The following EXOC6B variants were observed in gnomAD, a reference collection of about 807,000 sequenced individuals.
EXOC6B encodes the protein SEC15 homolog B.
A neutral mutation model predicts 113.5 loss-of-function variants in EXOC6B; 54 were observed. The observed-to-expected ratio is 0.48, with a 90% CI of 0.38 to 0.60. The LOEUF is 0.60. Among genes scored for constraint, EXOC6B ranks in the 20% least tolerant of loss-of-function variants. The probability of loss-of-function intolerance (pLI) is 0.00; values close to 1 mark genes in which losing one functional copy is unlikely to be tolerated. For synonymous variants in EXOC6B, 357 were observed against 339.0 expected (o/e 1.05, Z -0.58); for missense variants, 797 against 977.5 (o/e 0.82, Z 2.46).
At position 72,310,936 on chromosome 2, in the gene EXOC6B, C is replaced by A. The variant is rs537849894; in HGVS notation, c.2196+24011G>T. ...CCATTTTCAAGAGAAAAGAAACAAG[C>A]AAACTCAAAAAGGTATTTTCTCAAA... On this transcript the variant is annotated intron_variant, in intron 20 of 21. Transcript: ENST00000272427. 7.3e-5 allele frequency among the ~76,000 whole-genome samples: 11 copies of A among 151,314 alleles called. No individual in the cohort carries two copies. The South Asian group carries it at 1.3e-3, about 17-fold the overall frequency.
chr2:72,612,190 G>C (rs1356158865), intron 6 of EXOC6B, among the ~76,000 whole-genome samples: 1 of 151,948 alleles, frequency 6.6e-6, no homozygotes, highest in African/African-American at 2.4e-5. Flanking sequence ...CACGAGAATG[G>C]TTTGAGCTCA....
At chr2:72,435,766 T>TTTA (rs1233003283) in intron 18 of EXOC6B, among the ~76,000 whole-genome samples, 1 of 151,806 alleles carries the variant, frequency 6.6e-6, no homozygotes, top group African/African-American at 2.4e-5. Context: ...TATTCCTCCA[T>TTTA]CCATTTATTT....
intron 6 of EXOC6B, among the ~76,000 whole-genome samples, chr2:72,599,983 A>T (rs1596931): frequency 0.61 from 93,180 of 152,074 alleles, 34,813 homozygotes; most frequent in East Asian, 0.99. Context: ...TGATCTAAAG[A>T]TTCAACACAA....
chr2:72,699,472 C>T (rs1363087284), intron 6 of EXOC6B, among the ~76,000 whole-genome samples: 12 of 145,332 alleles, frequency 8.3e-5, no homozygotes, highest in Non-Finnish European at 1.1e-4. Flanking sequence ...AGTGAGACTC[C>T]GTCTCAAAAA....
intron 5 of EXOC6B, among the ~76,000 whole-genome samples, chr2:72,728,601 G>A (rs978710815): frequency 6.6e-6 from 1 of 152,114 alleles, no homozygotes; most frequent in African/African-American, 2.4e-5. Context: ...GCTCCCTGAA[G>A]TGACTCAGGG....
intron 18 of EXOC6B, among the ~76,000 whole-genome samples, chr2:72,454,321 T>C (rs1052819755): frequency 1.3e-5 from 2 of 151,978 alleles, no homozygotes; most frequent in African/African-American, 4.8e-5. Flanking sequence ...CTGGGCAACA[T>C]AGTGAGACCC....
intron 20 of EXOC6B, among the ~76,000 whole-genome samples, chr2:72,298,378 T>A (rs1573207758): frequency 6.6e-6 from 1 of 152,186 alleles, no homozygotes; most frequent in East Asian, 1.9e-4. Flanking sequence ...CTTAGGTGTG[T>A]CTTTGCACAT....
chr2:72,820,381 T>C (rs1396594540), intron 1 of EXOC6B, among the ~76,000 whole-genome samples: 3 of 152,090 alleles, frequency 2.0e-5, no homozygotes, highest in Non-Finnish European at 4.4e-5. Context: ...GTTTTAACAG[T>C]GAAAAAGGTA....
chr2:72,289,883 T>C (rs1243588089), intron 20 of EXOC6B, among the ~76,000 whole-genome samples: 1 of 152,094 alleles, frequency 6.6e-6, no homozygotes, highest in East Asian at 1.9e-4. Context: ...TGAGACCTCA[T>C]CTCTAAAGAA....
At chr2:72,342,262 G>C (rs543573904) in intron 19 of EXOC6B, among the ~76,000 whole-genome samples, 3 of 151,784 alleles carry the variant, frequency 2.0e-5, no homozygotes, top group Non-Finnish European at 2.9e-5. Context: ...ATAAAGATCA[G>C]AGCATAAGAA....
At chr2:72,237,297 T>C (rs1159763) in intron 20 of EXOC6B, among the ~76,000 whole-genome samples, 56,166 of 152,090 alleles carry the variant, frequency 0.37, 13,122 homozygotes, top group African/African-American at 0.66. Flanking sequence ...ATCTGGTCAC[T>C]GGGATGCCAC....
intron 17 of EXOC6B, among the ~76,000 whole-genome samples, chr2:72,478,822 C>T (rs922263815): frequency 1.3e-5 from 2 of 152,210 alleles, no homozygotes; most frequent in East Asian, 1.9e-4. Flanking sequence ...ATGAACCTCA[C>T]GTTCTAATTC....
chr2:72,648,193 T>C (rs770540578), intron 6 of EXOC6B, among the ~76,000 whole-genome samples: 2 of 152,226 alleles, frequency 1.3e-5, no homozygotes, highest in Non-Finnish European at 2.9e-5. Context: ...TCATCATCAC[T>C]GGTCATCAGA....
intron 6 of EXOC6B, among the ~76,000 whole-genome samples, chr2:72,706,004 A>G (rs1678846276): frequency 6.6e-6 from 1 of 152,198 alleles, no homozygotes; most frequent in Admixed American, 6.5e-5. Context: ...AAAAGAATAA[A>G]CCAAACTTCA....
intron 8 of EXOC6B, among the ~76,000 whole-genome samples, chr2:72,549,428 G>A (rs780239736): frequency 3.9e-5 from 6 of 152,092 alleles, no homozygotes; most frequent in Non-Finnish European, 7.4e-5. Context: ...AAGATGAGAT[G>A]GAGTAAAACT....
chr2:72,480,906 T>TA (rs2105488531), intron 16 of EXOC6B, among the ~76,000 whole-genome samples, 156 bp from the exon 17 acceptor site: 1 of 152,350 alleles, frequency 6.6e-6, no homozygotes, highest in Admixed American at 6.5e-5. Context: ...GCTTTCATGT[T>TA]ACCTCTTCTA....
intron 18 of EXOC6B, among the ~76,000 whole-genome samples, chr2:72,404,754 CG>C (rs562155351): frequency 1.3e-5 from 2 of 152,008 alleles, no homozygotes; most frequent in South Asian, 4.1e-4. Flanking sequence ...CACAAAGATG[CG>C]GAAAAAACAG....
At chr2:72,578,852 C>T (rs1421441124) in intron 6 of EXOC6B, among the ~76,000 whole-genome samples, 2 of 151,986 alleles carry the variant, frequency 1.3e-5, no homozygotes, top group Admixed American at 6.5e-5. Flanking sequence ...ACTCAGGAAA[C>T]GGCAAGTAAC....
chr2:72,209,684 C>G (rs1057326323), intron 20 of EXOC6B, among the ~76,000 whole-genome samples: 4 of 152,120 alleles, frequency 2.6e-5, no homozygotes, highest in African/African-American at 9.7e-5. Flanking sequence ...CAGAAAAAAA[C>G]AAATGGCTCC....
Sources: gnomAD v4.1 joint callset for allele counts (sites outside exome capture counted in the v4.1 genomes callset) on GRCh38, gnomAD v4.1.1 for gene constraint, MANE v1.5 for transcripts, NCBI Gene and HGNC (gene_info 2026-07-23, HGNC 2026-07-21) for gene names.